The following RUFY1 variants were observed in gnomAD, a reference collection of about 807,000 sequenced individuals.
The protein encoded by RUFY1 is RUN and FYVE domain-containing protein 1.
Under a neutral mutation model 94.6 loss-of-function variants are expected in RUFY1, and 54 were observed. The observed-to-expected ratio is 0.57, with a 90% CI of 0.46 to 0.72. RUFY1 has a LOEUF of 0.72. RUFY1 is among the 30% of genes least tolerant of loss of function. The pLI, the probability that RUFY1 is intolerant of heterozygous loss-of-function variation, is 0.00. For missense variants in RUFY1, 883 were observed against 883.9 expected (o/e 1.00, Z 0.01); for synonymous variants, 396 against 347.3 (o/e 1.14, Z -1.56).
intron 3 of RUFY1, 121 bp from the exon 4 acceptor site, chr5:179,567,340 T>G: frequency 4.1e-6 from 3 of 733,638 alleles, no homozygotes; most frequent in Non-Finnish European, 7.0e-6. Flanking sequence ...ACAGCCATTC[T>G]TAGAGTATCG....
chr5:179,552,369 G>C (rs559946739), intron 1 of RUFY1, among the ~76,000 whole-genome samples: 6 of 152,090 alleles, frequency 3.9e-5, no homozygotes, highest in African/African-American at 1.4e-4. Context: ...GAGGCTTCCT[G>C]ATTCCTCCCC....
At chr5:179,551,889 G>A (rs1761873375) in intron 1 of RUFY1, among the ~76,000 whole-genome samples, 1 of 151,662 alleles carries the variant, frequency 6.6e-6, no homozygotes, top group Non-Finnish European at 1.5e-5. Flanking sequence ...TCCTCGGCCG[G>A]GAGCGGTGGC....
chr5:179,571,190 T>G (rs1763199816), intron 5 of RUFY1, among the ~76,000 whole-genome samples: 1 of 152,220 alleles, frequency 6.6e-6, no homozygotes, highest in African/African-American at 2.4e-5. Flanking sequence ...TAATTTAGAT[T>G]GTTTCCATAT....
chr5:179,599,426 A>G (rs941537912), intron 14 of RUFY1: 2 of 152,632 alleles, frequency 1.3e-5, no homozygotes, highest in African/African-American at 4.8e-5. Flanking sequence ...CACTGTGCCC[A>G]GGGTCGGGTC....
intron 1 of RUFY1, among the ~76,000 whole-genome samples, chr5:179,552,220 A>T (rs544841513): frequency 6.9e-4 from 105 of 151,768 alleles, no homozygotes; most frequent in African/African-American, 2.5e-3. Flanking sequence ...CACATTTTAA[A>T]TGCTCAGTAG....
intron 11 of RUFY1, among the ~76,000 whole-genome samples, chr5:179,593,929 C>T (rs1280846744): frequency 6.6e-6 from 1 of 152,170 alleles, no homozygotes; most frequent in Non-Finnish European, 1.5e-5. Context: ...TTTGTCCATC[C>T]ACCTTCACTG....
chr5:179,563,154 G>A (rs959546381), intron 3 of RUFY1, among the ~76,000 whole-genome samples: 1 of 152,142 alleles, frequency 6.6e-6, no homozygotes, highest in African/African-American at 2.4e-5. Context: ...CATGGAATTT[G>A]GCATCTAGAA....
At chr5:179,560,589 G>A (rs1762376780) in intron 2 of RUFY1, among the ~76,000 whole-genome samples, 1 of 151,424 alleles carries the variant, frequency 6.6e-6, no homozygotes, top group African/African-American at 2.4e-5. Context: ...AGCTGGGCGT[G>A]GTAGCGGGCG....
chr5:179,551,131 A>G (rs1761822502), intron 1 of RUFY1, among the ~76,000 whole-genome samples: 1 of 152,216 alleles, frequency 6.6e-6, no homozygotes, highest in Non-Finnish European at 1.5e-5. Flanking sequence ...TAACTAGGTG[A>G]AGGACGTGTG....
intron 1 of RUFY1, among the ~76,000 whole-genome samples, chr5:179,558,919 T>G (rs1010054374): frequency 6.6e-6 from 1 of 152,186 alleles, no homozygotes; most frequent in African/African-American, 2.4e-5. Context: ...AATATACAGG[T>G]CAGTAAGACA....
At chr5:179,590,349 G>A (rs1323692667) in intron 9 of RUFY1, among the ~76,000 whole-genome samples, 20 of 147,586 alleles carry the variant, frequency 1.4e-4, no homozygotes, top group Non-Finnish European at 2.2e-4. Flanking sequence ...GCAAGACTCC[G>A]TCTCAAAAAA....
chr5:179,572,565 G>T (rs1581459315), intron 5 of RUFY1: 1 of 231,360 alleles, frequency 4.3e-6, no homozygotes, highest in Non-Finnish European at 9.1e-6. Context: ...GGTGACTTTT[G>T]CCAGATCACT....
intron 1 of RUFY1, chr5:179,555,762 G>A: frequency 3.0e-6 from 1 of 331,704 alleles, no homozygotes. Context: ...CAAGCAGCTG[G>A]GATTACAAGC....
intron 6 of RUFY1, among the ~76,000 whole-genome samples, chr5:179,579,490 C>T (rs1428860260): frequency 1.3e-5 from 2 of 151,756 alleles, no homozygotes; most frequent in Non-Finnish European, 2.9e-5. Flanking sequence ...GCCACCTCAC[C>T]TGGCTAATTT....
chr5:179,576,198 ACC>A (rs1763599265), intron 5 of RUFY1, among the ~76,000 whole-genome samples: 3 of 152,312 alleles, frequency 2.0e-5, no homozygotes, highest in Admixed American at 2.0e-4. Flanking sequence ...TTTAGGGTAC[ACC>A]CAGTTTTCCT....
intron 1 of RUFY1, chr5:179,559,703 C>T: frequency 4.7e-6 from 5 of 1,054,964 alleles, no homozygotes; most frequent in South Asian, 3.4e-5. Context: ...AAAATGGAAC[C>T]GGGGTTGCGG....
chr5:179,569,606 C>A (rs1763073467), intron 5 of RUFY1, among the ~76,000 whole-genome samples, 181 bp downstream of exon 5: 1 of 152,056 alleles, frequency 6.6e-6, no homozygotes, highest in Admixed American at 6.6e-5. Context: ...GCCAGAGGTA[C>A]ACACGGAAAG....
At chr5:179,561,202 T>G (rs1762425056) in intron 2 of RUFY1, among the ~76,000 whole-genome samples, 2 of 149,286 alleles carry the variant, frequency 1.3e-5, no homozygotes, top group African/African-American at 5.0e-5. Flanking sequence ...CAGGGTGAGA[T>G]TCCATCTCAA....
intron 15 of RUFY1, chr5:179,602,306 G>T (rs1225993295): frequency 1.7e-5 from 5 of 288,116 alleles, no homozygotes; most frequent in African/African-American, 4.2e-5. Flanking sequence ...CGCTTGGTCA[G>T]CCTACAGTCA....
Sources: allele counts gnomAD v4.1 joint callset (sites outside exome capture counted in the v4.1 genomes callset), GRCh38; gene constraint gnomAD v4.1.1; transcripts MANE v1.5; gene names NCBI Gene and HGNC (gene_info 2026-07-23, HGNC 2026-07-21).